EP400: variants seen among roughly 807,000 people sequenced by gnomAD.
EP400 encodes the protein E1A binding protein p400, also known as E1A-binding protein p400.
Under a neutral mutation model 354.1 loss-of-function variants are expected in EP400, and 105 were observed. That is an observed-to-expected ratio of 0.30 (90% CI 0.25 to 0.35). The LOEUF is 0.35. EP400 is among the 10% of genes least tolerant of loss of function. The pLI, the probability that EP400 is intolerant of heterozygous loss-of-function variation, is 1.00. For synonymous variants in EP400, 1,646 were observed against 1,716.9 expected (o/e 0.96, Z 1.02); for missense variants, 3,280 against 4,121.0 (o/e 0.80, Z 5.59).
At chr12:131,956,235 TTGTGTCTGTTG>T (rs1330452208) in intron 1 of EP400, among the ~76,000 whole-genome samples, 12 of 152,244 alleles carry the variant, frequency 7.9e-5, no homozygotes, top group Non-Finnish European at 1.2e-4. Flanking sequence ...CGTTGCTGGG[TTGTGTCTGTTG>T]TATGGCTGTA....
chr12:132,066,074 A>G (rs545866576), intron 48 of EP400: 5 of 152,244 alleles, frequency 3.3e-5, no homozygotes, highest in Non-Finnish European at 7.3e-5. Context: ...CATCCAAACA[A>G]TGGAATATTA....
rs1468731660 is a variant in EP400 at position 131,960,671 on chromosome 12, A to C, written c.52A>C (p.Arg18=). The C allele has an allele frequency of 6.3e-7, 1 of 1,586,968 alleles. No individual in the cohort carries two copies. Among genetic ancestry groups the C allele is most frequent in the Non-Finnish European group, 8.6e-7 (1 of 1,168,016 alleles). Residue 18 remains arginine (R), a synonymous_variant, in exon 2 of 53, where the codon AGG becomes CGG. Coordinates refer to ENST00000389561, the MANE Select transcript of EP400 (RefSeq NM_015409.5). ...CGTCCAGCATCAGCTGCAGAGGTCCAGGGCCTGCCCTGGCAGCGAGGGTGA... is the reference window on the plus strand; with the variant it reads ...CGTCCAGCATCAGCTGCAGAGGTCCCGGGCCTGCCCTGGCAGCGAGGGTGA... ...QNVQHQLQRS[R]ACPGSEGEEQ...
chr12:132,060,289 G>A (rs946455290), intron 45 of EP400, among the ~76,000 whole-genome samples: 26 of 152,262 alleles, frequency 1.7e-4, no homozygotes, highest in African/African-American at 5.8e-4. Context: ...CATGGTGACA[G>A]GGCCTGATAG....
chr12:131,980,460 T>C (rs565247663), intron 3 of EP400, among the ~76,000 whole-genome samples: 112 of 152,352 alleles, frequency 7.4e-4, no homozygotes, highest in African/African-American at 2.6e-3. Context: ...TCAGTGTTCA[T>C]CTGTTAGTGC....
intron 1 of EP400, among the ~76,000 whole-genome samples, chr12:131,954,357 C>T (rs1171938112): frequency 2.6e-5 from 4 of 151,984 alleles, no homozygotes; most frequent in African/African-American, 9.7e-5. Flanking sequence ...GAGATTAAGG[C>T]AGGAGAATTG....
At position 132,013,088 on chromosome 12, in the gene EP400, G is replaced by A. The variant is rs745482275; in HGVS notation, c.3521G>A (p.Arg1174Gln). 1.1e-5 allele frequency: 17 copies of A among 1,613,970 alleles called. No individual in the cohort carries two copies. The highest frequency in any genetic ancestry group is 2.7e-5 in the African/African-American group (2 of 74,928). The change falls in exon 17 of 53, where the codon CGA becomes CAA. Residue 1174 changes from arginine (R) to glutamine (Q), a missense_variant. Arg to Gln is a conservative substitution (Grantham distance 43). Around this residue, in one of 20 missense-constraint regions of EP400, gnomAD observed 242 missense variants for 357.9 expected, o/e 0.68. Coordinates refer to ENST00000389561, the MANE Select transcript of EP400 (RefSeq NM_015409.5). This position sits in a 1 kb window ranked among gnomAD's most constrained non-coding sequence, Gnocchi z 4.5. ...TTCCGGGGCCTCACCGCCTTCACACGAGTGCGCTGGAAGTGCCTGGTCATT... is the reference window on the plus strand; with the variant it reads ...TTCCGGGGCCTCACCGCCTTCACACAAGTGCGCTGGAAGTGCCTGGTCATT... Reference protein sequence around the residue: ...QFFRGLTAFTRVRWKCLVIDE... With the variant: ...QFFRGLTAFTQVRWKCLVIDE...
intron 25 of EP400, among the ~76,000 whole-genome samples, chr12:132,026,113 CG>C (rs973502310): frequency 3.9e-5 from 6 of 152,256 alleles, no homozygotes; most frequent in Middle Eastern, 3.4e-3. Context: ...CAGTGTGCTC[CG>C]TTTCCCCTGG....
At chr12:132,033,507 G>C (rs1894593773) in intron 30 of EP400, among the ~76,000 whole-genome samples, 1 of 151,592 alleles carries the variant, frequency 6.6e-6, no homozygotes, top group Admixed American at 6.6e-5. Flanking sequence ...GGTGGTAGCT[G>C]ACCCTGGAAC....
At chr12:132,011,786 G>A (rs1037817014) in intron 16 of EP400, 152 bp downstream of exon 16, 10 of 1,093,706 alleles carry the variant, frequency 9.1e-6, no homozygotes, top group Admixed American at 2.9e-5. Flanking sequence ...TGTTCCCCTC[G>A]AAAGCATAGA....
chr12:132,045,690 T>A, intron 38 of EP400, 37 bp from the exon 39 acceptor site: 1 of 1,611,458 alleles, frequency 6.2e-7, no homozygotes, highest in Non-Finnish European at 8.5e-7. Context: ...TGACTTAGAG[T>A]GTATTCACCT....
At chr12:131,982,565 G>A in intron 5 of EP400, 87 bp downstream of exon 5, 10 of 1,473,210 alleles carry the variant, frequency 6.8e-6, no homozygotes, top group Non-Finnish European at 9.1e-6. Context: ...ACACCACACT[G>A]TAATTTGTGT....
rs758625968 is a variant in EP400, at chr12:132,062,322, AG to A, written c.8098+1del. 6.2e-7 allele frequency: 1 copy of A among 1,614,060 alleles called. No homozygotes were observed. The highest frequency in any genetic ancestry group is 8.5e-7 in the Non-Finnish European group (1 of 1,179,926). On this transcript the variant is annotated frameshift_variant and splice_region_variant, in exon 46 of 53. Transcript: ENST00000389561. LOFTEE classifies it high-confidence loss of function. Reference sequence around the variant, plus strand: ...GGTCTTTGGTGCCCCAAGTGTCCCAAGGTAAAGCCAGGCTGGGAGCTTTCTC... The same window carrying A: ...GGTCTTTGGTGCCCCAAGTGTCCCAAGTAAAGCCAGGCTGGGAGCTTTCTC... Reference protein sequence around the residue: ...ARSLVPQVSQATGVQLPGKTI... With the variant: ...ARSLVPQVSQXTGVQLPGKTI...
rs749573232 is a variant in EP400 at position 131,961,645 on chromosome 12, G to A, written c.1026G>A (p.Thr342=). Reference sequence around the variant, plus strand: ...TCCCACTCACGTCTGTGGGGAACACGGGAATGAAGAAGGTTCCCAAGAAGT... The same window carrying A: ...TCCCACTCACGTCTGTGGGGAACACAGGAATGAAGAAGGTTCCCAAGAAGT... The part of the protein sequence containing the change: ...SSLPLTSVGN[T]GMKKVPKKLE... The change falls in exon 2 of 53, where the codon ACG becomes ACA. Residue 342 remains threonine, a synonymous_variant. Transcript: ENST00000389561. 3.6e-5 allele frequency: 57 copies of A among 1,603,062 alleles called. No individual in the cohort carries two copies. Among genetic ancestry groups the A allele is most frequent in the Non-Finnish European group, 4.1e-5 (48 of 1,174,126 alleles).
At chr12:131,975,578 G>C (rs1430439125) in intron 2 of EP400, among the ~76,000 whole-genome samples, 1 of 149,960 alleles carries the variant, frequency 6.7e-6, no homozygotes, top group African/African-American at 2.5e-5. Flanking sequence ...TTCTTTTTTT[G>C]AGATAGGGTC....
At position 132,027,984 on chromosome 12, in the gene EP400, C is replaced by T. The variant is rs773860807; in HGVS notation, c.5110-33C>T. ...GACAGGAACTTGTCATTCTGTTTCT[C>T]AAGTAACTGTTTTTCATCACTTTTT... On this transcript the variant is annotated intron_variant, in intron 26 of 52. Transcript: ENST00000389561. This position sits in a 1 kb window ranked among gnomAD's most constrained non-coding sequence, Gnocchi z 4.9. The T allele has an allele frequency of 4.4e-6, 7 of 1,601,314 alleles. No individual in the cohort carries two copies. In the South Asian group the frequency reaches 5.5e-5, roughly 13 times the overall value.
At chr12:132,055,475 A>T (rs112850086) in intron 45 of EP400, among the ~76,000 whole-genome samples, 3 of 62,248 alleles carry the variant, frequency 4.8e-5, no homozygotes, top group African/African-American at 1.3e-4. Flanking sequence ...TGTGTGTGTG[A>T]GGTGTAGGGG....
At chr12:132,006,988 C>A in intron 15 of EP400, 111 bp downstream of exon 15, 1 of 1,237,702 alleles carries the variant, frequency 8.1e-7, no homozygotes, top group Non-Finnish European at 1.1e-6. Context: ...TTCTTTGCTC[C>A]TATCTGTTGA....
chr12:132,001,342 C>T (rs1482354370), intron 12 of EP400, among the ~76,000 whole-genome samples: 1 of 152,222 alleles, frequency 6.6e-6, no homozygotes, highest in South Asian at 2.1e-4. Flanking sequence ...GCCTGGCAGC[C>T]GAGGCAGAGA....
At chr12:132,028,313 C>T (rs202240596) in intron 27 of EP400, 25 bp downstream of exon 27, 54 of 1,603,742 alleles carry the variant, frequency 3.4e-5, no homozygotes, top group Non-Finnish European at 3.7e-5. Flanking sequence ...GTGACCTTTT[C>T]GGTGCTCTCT....
Sources: gnomAD v4.1 joint callset for allele counts (sites outside exome capture counted in the v4.1 genomes callset) on GRCh38, gnomAD v4.1.1 for gene constraint, gnomAD v4.1.1 regional missense constraint, Gnocchi (gnomAD v3.1) non-coding constraint, MANE v1.5 for transcripts, NCBI Gene and HGNC (gene_info 2026-07-23, HGNC 2026-07-21) for gene names.